The following GRM1 variants were observed in gnomAD, a reference collection of about 807,000 sequenced individuals.
GRM1 encodes the protein metabotropic glutamate receptor 1.
A neutral mutation model predicts 90.9 loss-of-function variants in GRM1; 33 were observed. The ratio of observed to expected loss-of-function variants is 0.36; its 90% CI spans 0.28 to 0.49. The LOEUF is 0.49. Ranked by LOEUF, GRM1 falls within the 20% of genes least tolerant of loss-of-function variation. GRM1 has a pLI of 0.99. For missense variants in GRM1, 1,190 were observed against 1,534.3 expected (o/e 0.78, Z 3.75); for synonymous variants, 700 against 613.2 (o/e 1.14, Z -2.09).
chr6:146,201,323 C>T (rs1053701622), intron 2 of GRM1, among the ~76,000 whole-genome samples: 5 of 152,134 alleles, frequency 3.3e-5, no homozygotes, highest in African/African-American at 1.2e-4. Flanking sequence ...TTACTATTTA[C>T]CAGAAAATGT....
At chr6:146,367,255 G>A (rs1775725790) in intron 5 of GRM1, among the ~76,000 whole-genome samples, 1 of 151,938 alleles carries the variant, frequency 6.6e-6, no homozygotes, top group African/African-American at 2.4e-5. Context: ...TGTTCCACTG[G>A]CCTATGTGTC....
chr6:146,120,060 T>C (rs1191295395), intron 1 of GRM1, among the ~76,000 whole-genome samples: 2 of 152,220 alleles, frequency 1.3e-5, no homozygotes, highest in Non-Finnish European at 2.9e-5. Context: ...ATATTGATTA[T>C]TCCTATCCAT....
chr6:146,113,478 A>G (rs960126575), intron 1 of GRM1, among the ~76,000 whole-genome samples: 2 of 152,218 alleles, frequency 1.3e-5, no homozygotes, highest in Non-Finnish European at 2.9e-5. Context: ...TTTATGCTGT[A>G]TAATTCAGGC....
At chr6:146,092,598 A>T (rs1015708810) in intron 1 of GRM1, among the ~76,000 whole-genome samples, 1 of 152,018 alleles carries the variant, frequency 6.6e-6, no homozygotes, top group South Asian at 2.1e-4. Flanking sequence ...GTTTTACTCA[A>T]TGTGTGCTTG....
chr6:146,314,051 C>CCT (rs1783870071), intron 3 of GRM1, among the ~76,000 whole-genome samples: 1 of 61,960 alleles, frequency 1.6e-5, no homozygotes, highest in African/African-American at 7.8e-5. Context: ...TAGTTAATTC[C>CCT]TTTTTTTTTT....
intron 5 of GRM1, among the ~76,000 whole-genome samples, chr6:146,360,221 T>C (rs1457938439): frequency 6.6e-6 from 1 of 152,168 alleles, no homozygotes; most frequent in Non-Finnish European, 1.5e-5. Context: ...AAAATAATAA[T>C]TTGATGTCTT....
chr6:146,050,672 A>AATGATACG, intron 1 of GRM1, among the ~76,000 whole-genome samples: 1 of 151,324 alleles, frequency 6.6e-6, no homozygotes, highest in Non-Finnish European at 1.5e-5. Context: ...CAATACTCTT[A>AATGATACG]GCTGCTCATT....
At position 146,411,692 on chromosome 6, in the gene GRM1, C is replaced by T. The variant is rs538071768; in HGVS notation, c.2660+11993C>T. On this transcript the variant is annotated intron_variant, in intron 7 of 7. Transcript: ENST00000282753. The stretch of plus-strand genomic sequence containing the variant: ...TGACCTGTGGCTTTGACAGGTGGGA[C>T]GAAGACAGTGAACAAAGAGAAATAC... Among the ~76,000 whole-genome samples, 44 of 152,046 alleles carry T rather than the reference C, an allele frequency of 2.9e-4. No homozygotes were observed. The South Asian group carries it at 3.9e-3, about 14-fold the overall frequency.
intron 2 of GRM1, among the ~76,000 whole-genome samples, chr6:146,295,290 C>A (rs917644453): frequency 6.6e-6 from 1 of 152,048 alleles, no homozygotes; most frequent in African/African-American, 2.4e-5. Context: ...ATGGTATGAT[C>A]TTGGCTCACT....
rs145389468 is a variant in GRM1 at position 146,089,971 on chromosome 6, C to CT, written c.700+59761dup. On this transcript the variant is annotated intron_variant, in intron 1 of 7. Transcript: ENST00000282753. Reference sequence around the variant, plus strand: ...AATGTTTCTCCTCTATTTTTTATGTCTTTTTTTATTGTAATATGTATTATA... The same window carrying CT: ...AATGTTTCTCCTCTATTTTTTATGTCTTTTTTTTATTGTAATATGTATTATA... Among the ~76,000 whole-genome samples, 1,519 of 152,012 alleles carry CT rather than the reference C, an allele frequency of 1.0e-2. 22 individuals carry two copies. The highest frequency in any genetic ancestry group is 0.035 in the African/African-American group (1,439 of 41,498).
Position 146,160,472 on chromosome 6 carries a change from C to T in GRM1, c.950+875C>T, listed in dbSNP as rs548496570. Among the ~76,000 whole-genome samples the T allele has an allele frequency of 2.6e-5, 4 of 152,248 alleles. No individual in the cohort carries two copies. The East Asian group carries it at 7.7e-4, about 29-fold the overall frequency. ...GCATAAATAACCTGCTCAGTTTTCC[C>T]CAGGAACCTACTGAGTTTACCTGAT... On this transcript the variant is annotated intron_variant, in intron 2 of 7. Transcript: ENST00000282753.
intron 2 of GRM1, among the ~76,000 whole-genome samples, chr6:146,260,944 A>G (rs1028942648): frequency 1.3e-5 from 2 of 150,834 alleles, no homozygotes; most frequent in Non-Finnish European, 2.9e-5. Context: ...TATTTTTAGC[A>G]TCTAGATACT....
At chr6:146,109,662 A>T (rs1184388944) in intron 1 of GRM1, among the ~76,000 whole-genome samples, 1 of 152,154 alleles carries the variant, frequency 6.6e-6, no homozygotes, top group Non-Finnish European at 1.5e-5. Context: ...TCCAGACCCC[A>T]GAATGATAGA....
chr6:146,334,527 G>A (rs565139746), intron 3 of GRM1, among the ~76,000 whole-genome samples: 3 of 151,982 alleles, frequency 2.0e-5, no homozygotes, highest in Non-Finnish European at 2.9e-5. Context: ...TTCCTCATAC[G>A]ATATTTAGAA....
At chr6:146,365,331 CA>C (rs1356834517) in intron 5 of GRM1, 7 of 152,320 alleles carry the variant, frequency 4.6e-5, no homozygotes, top group South Asian at 2.1e-4. Flanking sequence ...AATTTATCCA[CA>C]ACCACTATGA....
intron 2 of GRM1, among the ~76,000 whole-genome samples, chr6:146,254,970 A>G (rs1357319075): frequency 6.6e-6 from 1 of 152,196 alleles, no homozygotes; most frequent in African/African-American, 2.4e-5. Context: ...AGTTGTATCA[A>G]TTTCATAACT....
intron 1 of GRM1, among the ~76,000 whole-genome samples, chr6:146,065,537 G>A (rs1349911984): frequency 6.6e-6 from 1 of 152,158 alleles, no homozygotes; most frequent in African/African-American, 2.4e-5. Flanking sequence ...ACAGTATATT[G>A]TTACAGAGTT....
chr6:146,058,793 G>A (rs1450054217), intron 1 of GRM1, among the ~76,000 whole-genome samples: 1 of 152,064 alleles, frequency 6.6e-6, no homozygotes, highest in Non-Finnish European at 1.5e-5. Context: ...TCATTTCACA[G>A]CATCTTCACC....
At chr6:146,243,117 T>C (rs962978530) in intron 2 of GRM1, among the ~76,000 whole-genome samples, 1 of 152,132 alleles carries the variant, frequency 6.6e-6, no homozygotes, top group African/African-American at 2.4e-5. Flanking sequence ...AAAAGACATA[T>C]TGAATGCAAG....
Sources: gnomAD v4.1 joint callset for allele counts (sites outside exome capture counted in the v4.1 genomes callset) on GRCh38, gnomAD v4.1.1 for gene constraint, MANE v1.5 for transcripts, NCBI Gene and HGNC (gene_info 2026-07-23, HGNC 2026-07-21) for gene names.